Variants in DCUN1D3 observed in about 807,000 individuals in gnomAD.
DCUN1D3 encodes the protein defective in cullin neddylation 1 domain containing 3.
DCUN1D3 carries 6 observed loss-of-function variants against 24.8 expected under a neutral mutation model. The observed-to-expected ratio is 0.24, with a 90% confidence interval of 0.13 to 0.48. The LOEUF is 0.48. DCUN1D3 is among the 20% of genes least tolerant of loss of function. DCUN1D3 has a pLI of 0.99. For synonymous variants in DCUN1D3, 120 were observed against 144.9 expected, an observed-to-expected ratio of 0.83 and a Z score of 1.24; for missense variants, 258 against 379.4, an observed-to-expected ratio of 0.68 and a Z score of 2.66.
intron 2 of DCUN1D3, among the ~76,000 whole-genome samples, chr16:20,861,144 A>G (rs759798591): frequency 3.0e-4 from 45 of 152,228 alleles, no homozygotes; most frequent in Non-Finnish European, 6.0e-4. Context: ...ATGCACAGCT[A>G]CTGCTTAGTA....
chr16:20,864,477 A>G (rs1200248684), intron 1 of DCUN1D3, among the ~76,000 whole-genome samples: 1 of 152,044 alleles, frequency 6.6e-6, no homozygotes, highest in African/African-American at 2.4e-5. Flanking sequence ...ATTACTAAAA[A>G]GTCAAAAAAA....
chr16:20,892,561 G>A (rs1454299826), intron 1 of DCUN1D3, among the ~76,000 whole-genome samples: 2 of 152,208 alleles, frequency 1.3e-5, no homozygotes, highest in South Asian at 4.1e-4. Flanking sequence ...AGGAATGCAT[G>A]TCCATGGTGG....
intron 1 of DCUN1D3, among the ~76,000 whole-genome samples, chr16:20,870,743 C>T (rs1054311379): frequency 7.9e-5 from 12 of 152,316 alleles, no homozygotes; most frequent in East Asian, 7.7e-4. Flanking sequence ...GGTGCTCCTA[C>T]ATATTAACAA....
Position 20,856,336 on chromosome 16 carries a change from T to C in DCUN1D3, c.*3550A>G, listed in dbSNP as rs2081702671. The C allele has an allele frequency of 6.6e-6, 1 of 152,158 alleles. No individual in the cohort carries two copies. Among genetic ancestry groups the C allele is most frequent in the Non-Finnish European group, 1.5e-5 (1 of 68,034 alleles). 9.4% of individuals were successfully genotyped at this position (152,158 alleles called of 1,614,324 possible). ...GTTTAATACAATTTGGCACAGTATA[T>C]AGTACATGAGGCCATCGAGTGTAAC... On this transcript the variant is annotated 3_prime_UTR_variant, in exon 3 of 3. Coordinates refer to ENST00000324344, the MANE Select transcript of DCUN1D3 (RefSeq NM_173475.4).
In DCUN1D3 at chr16:20,859,540, CAAAAAAAA is replaced by C. The variant is rs61506075; in HGVS notation, c.*338_*345del. ...CGCCCTGCTCTATGCCCTCCCCTAC[CAAAAAAAA>C]AAAAAAAAAAACAAAAAAAAACAAA... On this transcript the variant is annotated 3_prime_UTR_variant, in exon 3 of 3. Coordinates refer to ENST00000324344, the MANE Select transcript of DCUN1D3 (RefSeq NM_173475.4). The C allele has an allele frequency of 2.8e-5, 2 of 71,260 alleles. No individual in the cohort carries two copies. The highest frequency in any genetic ancestry group is 1.2e-4 in the African/African-American group (2 of 16,096). The allele number at this position is 71,260 out of a possible 1,614,324, so 4.4% of individuals were successfully genotyped here.
intron 1 of DCUN1D3, among the ~76,000 whole-genome samples, chr16:20,896,727 C>T (rs1280267227): frequency 6.6e-6 from 1 of 152,198 alleles, no homozygotes; most frequent in African/African-American, 2.4e-5. Context: ...AAGTTAAGTC[C>T]AAAACCTTTA....
chr16:20,864,991 G>C (rs2081754305), intron 1 of DCUN1D3, among the ~76,000 whole-genome samples: 1 of 152,172 alleles, frequency 6.6e-6, no homozygotes, highest in African/African-American at 2.4e-5. Flanking sequence ...TGAGGGTAGA[G>C]GGTGGAGGGT....
intron 1 of DCUN1D3, among the ~76,000 whole-genome samples, chr16:20,897,221 T>G (rs2081920005): frequency 1.3e-5 from 2 of 152,244 alleles, no homozygotes; most frequent in Non-Finnish European, 2.9e-5. Context: ...ATATTCTGTT[T>G]CAGCCCAGTG....
At chr16:20,865,734 G>A (rs1394663882) in intron 1 of DCUN1D3, among the ~76,000 whole-genome samples, 3 of 152,150 alleles carry the variant, frequency 2.0e-5, no homozygotes, top group Non-Finnish European at 4.4e-5. Flanking sequence ...TTTTATGAAA[G>A]GCTGGAGCTT....
At position 20,855,164 on chromosome 16, in the gene DCUN1D3, G is replaced by GT. The variant is rs1156903578; in HGVS notation, c.*4721dup. On this transcript the variant is annotated 3_prime_UTR_variant, in exon 3 of 3. Transcript: ENST00000324344. ...CACAAACCAAGAGGGATCCACAAAG[G>GT]TGGAGGGTCACATGAGCAGTGGACT... 1 of 152,214 alleles carries GT rather than the reference G, an allele frequency of 6.6e-6. No homozygotes were observed. The highest frequency in any genetic ancestry group is 2.4e-5 in the African/African-American group (1 of 41,428). The allele number at this position is 152,214 out of a possible 1,614,324, so 9.4% of individuals were successfully genotyped here. A position where few individuals can be genotyped will look rare whatever the true frequency, so the allele number is the denominator to read the frequency against.
At chr16:20,891,184 G>C (rs1313096114) in intron 1 of DCUN1D3, among the ~76,000 whole-genome samples, 1 of 151,752 alleles carries the variant, frequency 6.6e-6, no homozygotes, top group Non-Finnish European at 1.5e-5. Flanking sequence ...AGTAGAGATG[G>C]GGTTTCACCA....
In DCUN1D3 at chr16:20,856,500, C is replaced by T. The variant is rs2152515416; in HGVS notation, c.*3386G>A. ...TTGGGGAAGTTTAATATTGAAAACA[C>T]TGCCTTGTACATTTTCAATTGTTAT... On this transcript the variant is annotated 3_prime_UTR_variant, in exon 3 of 3. Transcript: ENST00000324344. The T allele has an allele frequency of 6.6e-6, 1 of 152,292 alleles. No homozygotes were observed. Among genetic ancestry groups the T allele is most frequent in the African/African-American group, 2.4e-5 (1 of 41,556 alleles). The allele number at this position is 152,292 out of a possible 1,614,324, so 9.4% of individuals were successfully genotyped here.
intron 1 of DCUN1D3, among the ~76,000 whole-genome samples, chr16:20,891,989 C>T (rs1790027933): frequency 1.3e-5 from 2 of 152,134 alleles, no homozygotes; most frequent in African/African-American, 2.4e-5. Flanking sequence ...GCTTTTCTCC[C>T]CAGTCCACAA....
intron 1 of DCUN1D3, among the ~76,000 whole-genome samples, chr16:20,866,052 G>T (rs1410746583): frequency 6.6e-6 from 1 of 152,140 alleles, no homozygotes; most frequent in Admixed American, 6.5e-5. Flanking sequence ...ACCATCCTAA[G>T]TAAGTTTTTT....
At chr16:20,881,751 C>A (rs577043669) in intron 1 of DCUN1D3, among the ~76,000 whole-genome samples, 2 of 152,120 alleles carry the variant, frequency 1.3e-5, no homozygotes, top group African/African-American at 4.8e-5. Context: ...AGGAAATTCA[C>A]CAAACTGCTC....
intron 1 of DCUN1D3, among the ~76,000 whole-genome samples, chr16:20,883,173 G>C (rs2081852784): frequency 6.6e-6 from 1 of 152,134 alleles, no homozygotes; most frequent in Admixed American, 6.5e-5. Context: ...AGCATTTCAG[G>C]TTTCAGAGTT....
Position 20,862,476 on chromosome 16 carries a change from G to T in DCUN1D3, c.63C>A (p.Asp21Glu). The T allele has an allele frequency of 6.2e-7, 1 of 1,612,156 alleles. No homozygotes were observed. The highest frequency in any genetic ancestry group is 1.1e-5 in the South Asian group (1 of 91,078). ...TATGTGACTTGTTGCTGGGCTCACGGTCTCCATTTTTGCTGCCCAGGGTCG... is the reference window on the plus strand; with the variant it reads ...TATGTGACTTGTTGCTGGGCTCACGTTCTCCATTTTTGCTGCCCAGGGTCG... ...PSSTLGSKNG[D>E]REPSNKSHSR... The change falls in exon 2 of 3, where the codon GAC (aspartate) becomes GAA (glutamate). Residue 21 changes from aspartate to glutamate, a missense_variant. Coordinates refer to ENST00000324344, the MANE Select transcript of DCUN1D3 (RefSeq NM_173475.4).
intron 1 of DCUN1D3, among the ~76,000 whole-genome samples, chr16:20,876,635 G>A (rs1328314677): frequency 6.6e-6 from 1 of 151,952 alleles, no homozygotes; most frequent in East Asian, 1.9e-4. Context: ...TCAATATACT[G>A]GAGAGATCTG....
rs745740674 is a variant in DCUN1D3, at chr16:20,855,115, A to T, written c.*4771T>A. The T allele has an allele frequency of 4.6e-5, 7 of 152,444 alleles. No individual in the cohort carries two copies. The highest frequency in any genetic ancestry group is 7.3e-5 in the Non-Finnish European group (5 of 68,036). The allele number at this position is 152,444 out of a possible 1,614,324, so 9.4% of individuals were successfully genotyped here. ...TATTAACTTTTGTCAAGTTTGTACAACCTCAACAAACAGACACACTGGTCA... is the reference window on the plus strand; with the variant it reads ...TATTAACTTTTGTCAAGTTTGTACATCCTCAACAAACAGACACACTGGTCA... On this transcript the variant is annotated 3_prime_UTR_variant, in exon 3 of 3. Transcript: ENST00000324344.
Sources: allele counts gnomAD v4.1 joint callset (sites outside exome capture counted in the v4.1 genomes callset), GRCh38; gene constraint gnomAD v4.1.1; transcripts MANE v1.5; gene names NCBI Gene and HGNC (gene_info 2026-07-23, HGNC 2026-07-21).